Variants in MATN4 observed in about 807,000 individuals in gnomAD.
MATN4 encodes the protein matrilin 4.
In MATN4, 40 loss-of-function variants were observed where a neutral mutation model predicts 54.6. The observed-to-expected ratio is 0.73, with a 90% CI of 0.57 to 0.95. MATN4 has a LOEUF of 0.95. MATN4 is among the 40% of genes least tolerant of loss of function. The pLI is 0.00. For missense variants in MATN4, 810 were observed against 819.1 expected (o/e 0.99, Z 0.13); for synonymous variants, 351 against 345.3 (o/e 1.02, Z -0.18).
chr20:45,298,389 C>G lies in MATN4; in HGVS notation c.1207G>C (p.Gly403Arg). ...GCCTGCTTCACCTCGGCTGCGGTGC[C>G]GTAGCGACCCAGAGGGAACTCGGTG... ...VRTEFPLGRY[G>R]TAAEVKQAVL... Residue 403 changes from glycine to arginine, a missense_variant, in exon 7 of 10, where the codon GGC becomes CGC. Gly to Arg is a moderately radical substitution (Grantham distance 125). Coordinates refer to ENST00000372756, the MANE Select transcript of MATN4 (RefSeq NM_001393530.1). This position sits in a 1 kb window ranked among gnomAD's most constrained non-coding sequence, Gnocchi z 4.6. 1 of 1,612,480 alleles carries G rather than the reference C, an allele frequency of 6.2e-7. No homozygotes were observed. The highest frequency in any genetic ancestry group is 8.5e-7 in the Non-Finnish European group (1 of 1,179,256).
In MATN4 at chr20:45,305,527, G is replaced by T. The variant is rs773448328; in HGVS notation, c.56C>A (p.Thr19Asn). 1.2e-5 allele frequency: 19 copies of T among 1,556,178 alleles called. No homozygotes were observed. The East Asian group carries it at 4.4e-4, about 36-fold the overall frequency. ...VLLLLLQPWE[T>N]QLQLTGPRCH... ...CAGTTCACCTGTCAACTGGAGCTGGGTTTCCCAGGGCTGAAGAAGGAGCAG... is the reference window on the plus strand; with the variant it reads ...CAGTTCACCTGTCAACTGGAGCTGGTTTTCCCAGGGCTGAAGAAGGAGCAG... The change falls in exon 2 of 10, where the codon ACC becomes AAC. Residue 19 changes from threonine to asparagine, a missense_variant. Transcript: ENST00000372756.
At chr20:45,296,982 C>A (rs1313542907) in intron 8 of MATN4, among the ~76,000 whole-genome samples, 1 of 151,770 alleles carries the variant, frequency 6.6e-6, no homozygotes, top group African/African-American at 2.4e-5. Flanking sequence ...CAGTGCCCAC[C>A]ACCTTGCCCA....
At chr20:45,305,805 C>CTGTTTTTTTTTTTTTTTTTTTTTTTT (rs1986593667) in intron 1 of MATN4, among the ~76,000 whole-genome samples, 189 bp from the exon 2 acceptor site, 1 of 64,676 alleles carries the variant, frequency 1.5e-5, no homozygotes, top group South Asian at 8.3e-4. Flanking sequence ...ACAAGAGATT[C>CTGTTTTTTTTTTTTTTTTTTTTTTTT]TTTTTTTTTT....
Position 45,304,697 on chromosome 20 carries a change from C to T in MATN4, c.174G>A (p.Met58Ile). 1 of 1,612,728 alleles carries T rather than the reference C, an allele frequency of 6.2e-7. No individual in the cohort carries two copies. The highest frequency in any genetic ancestry group is 1.1e-5 in the South Asian group (1 of 91,058). ...FEFETMRQFL[M>I]GLLRGLNVGP... ...CCACGTTCAGGCCTCGGAGGAGGCC[C>T]ATGAGGAACTGCCGCATGGTCTCGA... The change falls in exon 3 of 10, where the codon ATG becomes ATA. Residue 58 changes from methionine (M) to isoleucine (I), a missense_variant. Physicochemically the swap from Met to Ile is conservative, Grantham distance 10. Coordinates refer to ENST00000372756, the MANE Select transcript of MATN4 (RefSeq NM_001393530.1).
chr20:45,301,506 C>T, intron 3 of MATN4, 63 bp from the exon 4 acceptor site: 9 of 1,544,914 alleles, frequency 5.8e-6, no homozygotes, highest in Non-Finnish European at 7.0e-6. Flanking sequence ...GTAGCACAAC[C>T]ACCTAAGGAA....
chr20:45,307,786 C>T (rs533299599), intron 1 of MATN4, among the ~76,000 whole-genome samples: 29 of 152,100 alleles, frequency 1.9e-4, no homozygotes, highest in Non-Finnish European at 3.2e-4. Flanking sequence ...GGGTACATGG[C>T]GATGTCGTGG....
At chr20:45,305,179 C>G (rs963518934) in intron 2 of MATN4, among the ~76,000 whole-genome samples, 1 of 152,224 alleles carries the variant, frequency 6.6e-6, no homozygotes. Context: ...TGAGGCCATG[C>G]CCCTGCGAAT....
chr20:45,298,584 C>G lies in MATN4; in HGVS notation c.1013-1G>C. 1 of 1,532,396 alleles carries G rather than the reference C, an allele frequency of 6.5e-7. No homozygotes were observed. The highest frequency in any genetic ancestry group is 8.8e-7 in the Non-Finnish European group (1 of 1,137,316). The allele number at this position is 1,532,396 out of a possible 1,614,324, so 94.9% of individuals were successfully genotyped here. On this transcript the variant is annotated splice_acceptor_variant, in intron 6 of 9. Coordinates refer to ENST00000372756, the MANE Select transcript of MATN4 (RefSeq NM_001393530.1). LOFTEE classifies it high-confidence loss of function. This position sits in a 1 kb window ranked among gnomAD's most constrained non-coding sequence, Gnocchi z 4.6. The stretch of plus-strand genomic sequence containing the variant: ...AGGTCCACGTGGCCTTCCCGGCACC[C>G]TGCACAGCCAGAAAAGCTTGAATTG...
At chr20:45,299,859 C>T (rs1986101196) in intron 6 of MATN4, among the ~76,000 whole-genome samples, 1 of 104,330 alleles carries the variant, frequency 9.6e-6, no homozygotes, top group Non-Finnish European at 1.8e-5. Context: ...GCCCGAGAAA[C>T]AGAGGGAGAC....
intron 2 of MATN4, 71 bp from the exon 3 acceptor site, chr20:45,304,868 C>T: frequency 9.8e-7 from 1 of 1,018,218 alleles, no homozygotes; most frequent in Non-Finnish European, 1.4e-6. Flanking sequence ...CCTAGGAAAC[C>T]CAGGGGAAAT....
chr20:45,304,923 T>C, intron 2 of MATN4, 126 bp from the exon 3 acceptor site: 1 of 594,006 alleles, frequency 1.7e-6, no homozygotes, highest in East Asian at 2.9e-5. Flanking sequence ...AAACGCAGAT[T>C]AGACAGATGC....
At chr20:45,299,093 A>G (rs1426216643) in intron 6 of MATN4, among the ~76,000 whole-genome samples, 1 of 152,134 alleles carries the variant, frequency 6.6e-6, no homozygotes, top group Non-Finnish European at 1.5e-5. Flanking sequence ...CCCAGATTTC[A>G]TAGCTAGTAC....
intron 8 of MATN4, among the ~76,000 whole-genome samples, chr20:45,296,535 C>G (rs959890951): frequency 3.3e-5 from 5 of 152,146 alleles, no homozygotes; most frequent in Non-Finnish European, 5.9e-5. Flanking sequence ...AACCACAAAA[C>G]CCAGACTTCT....
At chr20:45,308,038 C>G (rs1014258600) in intron 1 of MATN4, 137 bp downstream of exon 1, 1 of 717,464 alleles carries the variant, frequency 1.4e-6, no homozygotes, top group Non-Finnish European at 2.4e-6. Flanking sequence ...TGGAAAGGAC[C>G]CTGCAGAAGT....
chr20:45,305,661 C>A, intron 1 of MATN4, 45 bp from the exon 2 acceptor site: 2 of 1,019,136 alleles, frequency 2.0e-6, no homozygotes, highest in Non-Finnish European at 3.0e-6. Context: ...ATTTACAGAG[C>A]TCTTATTCTG....
At position 45,298,446 on chromosome 20, in the gene MATN4, C is replaced by T. The variant is rs775908501; in HGVS notation, c.1150G>A (p.Val384Met). The change falls in exon 7 of 10, where the codon GTG (valine) becomes ATG (methionine). Residue 384 changes from valine to methionine, a missense_variant. By Grantham distance (21) the Val-to-Met change is conservative (BLOSUM62 1). Coordinates refer to ENST00000372756, the MANE Select transcript of MATN4 (RefSeq NM_001393530.1). This position sits in a 1 kb window ranked among gnomAD's most constrained non-coding sequence, Gnocchi z 4.6. ...FLDVSPEGTR[V>M]GLVQFSSRVR... is the part of the protein sequence containing the mutation. The stretch of plus-strand genomic sequence containing the variant: ...CGGCTCGAGAACTGCACCAGCCCCA[C>T]CCGCGTGCCCTCGGGGGACACATCT... 3 of 1,613,778 alleles carry T rather than the reference C, an allele frequency of 1.9e-6. No individual in the cohort carries two copies. In the South Asian group the frequency reaches 3.3e-5, roughly 18 times the overall value.
At chr20:45,306,404 G>A (rs1312064192) in intron 1 of MATN4, among the ~76,000 whole-genome samples, 1 of 152,110 alleles carries the variant, frequency 6.6e-6, no homozygotes, top group Non-Finnish European at 1.5e-5. Context: ...GGCGTTTGGT[G>A]CCTCTCCTCC....
intron 3 of MATN4, among the ~76,000 whole-genome samples, chr20:45,303,103 A>AAAAG (rs1555854275): frequency 1.1e-5 from 1 of 87,438 alleles, no homozygotes; most frequent in African/African-American, 4.7e-5. Flanking sequence ...AAAAAAAAAA[A>AAAAG]AGAGAGAGAG....
intron 8 of MATN4, 24 bp from the exon 9 acceptor site, chr20:45,294,039 A>T (rs781135517): frequency 6.4e-7 from 1 of 1,568,648 alleles, no homozygotes; most frequent in Non-Finnish European, 8.7e-7. Flanking sequence ...ACAGAGGGTC[A>T]GGGGGATGAG....
Sources: allele counts gnomAD v4.1 joint callset (sites outside exome capture counted in the v4.1 genomes callset), GRCh38; gene constraint gnomAD v4.1.1; non-coding constraint Gnocchi (gnomAD v3.1); transcripts MANE v1.5; gene names NCBI Gene and HGNC (gene_info 2026-07-23, HGNC 2026-07-21).